TCF4: variants seen among roughly 807,000 people sequenced by gnomAD.
The protein encoded by TCF4 is SL3-3 enhancer factor 2.
In TCF4, 3 loss-of-function variants were observed where a neutral mutation model predicts 82.1. That is an observed-to-expected ratio of 0.04 (90% CI 0.02 to 0.09). The LOEUF is 0.09. Ranked by LOEUF, TCF4 falls within the 10% of genes least tolerant of loss-of-function variation. The probability of loss-of-function intolerance (pLI) is 1.00; values close to 1 mark genes in which losing one functional copy is unlikely to be tolerated. For missense variants in TCF4, 518 were observed against 852.7 expected (o/e 0.61, Z 4.89); for synonymous variants, 276 against 309.6 (o/e 0.89, Z 1.14).
At chr18:55,392,588 C>A (rs1224869565) in intron 6 of TCF4, among the ~76,000 whole-genome samples, 1 of 151,976 alleles carries the variant, frequency 6.6e-6, no homozygotes, top group African/African-American at 2.4e-5. Context: ...TGACTTTCAA[C>A]AGAGTCTTTC....
intron 5 of TCF4, among the ~76,000 whole-genome samples, chr18:55,406,865 TC>T (rs576032828): frequency 1.1e-4 from 16 of 152,126 alleles, no homozygotes; most frequent in Non-Finnish European, 2.4e-4. Context: ...GAGACAACCC[TC>T]CGGTACTAGA....
intron 5 of TCF4, among the ~76,000 whole-genome samples, chr18:55,441,009 A>G (rs958328767): frequency 7.2e-5 from 11 of 151,878 alleles, no homozygotes; most frequent in African/African-American, 2.4e-4. Flanking sequence ...CAACTTTTAC[A>G]TTTTGTTTTG....
At chr18:55,254,794 GT>G in intron 14 of TCF4, 94 bp from the exon 15 acceptor site, 1 of 1,090,070 alleles carries the variant, frequency 9.2e-7, no homozygotes, top group Non-Finnish European at 1.4e-6. Context: ...AACACACTGT[GT>G]TTCTAAATAC....
chr18:55,537,134 GGA>G (rs1568343293), intron 3 of TCF4, among the ~76,000 whole-genome samples: 2 of 113,200 alleles, frequency 1.8e-5, no homozygotes, highest in African/African-American at 3.4e-5. Context: ...ACTCCGTCTC[GGA>G]AAAAAAAAAA....
intron 5 of TCF4, among the ~76,000 whole-genome samples, chr18:55,444,638 A>G (rs754327020): frequency 9.9e-5 from 15 of 152,240 alleles, no homozygotes; most frequent in Non-Finnish European, 1.9e-4. Context: ...GTCACAATGC[A>G]ACAAATTGCC....
chr18:55,553,623 T>A (rs2097279018), intron 3 of TCF4, among the ~76,000 whole-genome samples: 1 of 152,216 alleles, frequency 6.6e-6, no homozygotes, highest in Admixed American at 6.5e-5. Flanking sequence ...GTGGTAAAGT[T>A]TACGAAGCTC....
In TCF4 at chr18:55,234,566, G is replaced by A. The variant is rs375511149; in HGVS notation, c.1468C>T (p.Pro490Ser). 1.2e-6 allele frequency: 2 copies of A among 1,614,050 alleles called. No individual in the cohort carries two copies. Among genetic ancestry groups the A allele is most frequent in the Admixed American group, 1.7e-5 (1 of 60,002 alleles). The change falls in exon 16 of 20, where the codon CCC (proline) becomes TCC (serine). Residue 490 changes from proline (P) to serine (S), a missense_variant. Transcript: ENST00000354452. ...AACCTACCTCTGTAAGGGTCCTGGG[G>A]TGGGTTCAGGTCAGGGGAAGTCGCA... ...QSATSPDLNP[P>S]QDPYRGMPPG... is the part of the protein sequence containing the mutation.
chr18:55,558,149 C>G (rs1343925205), intron 3 of TCF4, among the ~76,000 whole-genome samples: 2 of 152,068 alleles, frequency 1.3e-5, no homozygotes, highest in African/African-American at 2.4e-5. Context: ...GAGTTCGAGG[C>G]TGCAGTGAGC....
intron 3 of TCF4, among the ~76,000 whole-genome samples, chr18:55,552,040 G>A (rs887228785): frequency 6.6e-6 from 1 of 152,190 alleles, no homozygotes; most frequent in South Asian, 2.1e-4. Context: ...GGTAACTCTT[G>A]AACACACTTT....
intron 10 of TCF4, 112 bp from the exon 11 acceptor site, chr18:55,270,075 A>G (rs548667560): frequency 7.4e-7 from 1 of 1,348,276 alleles, no homozygotes; most frequent in African/African-American, 1.4e-5. Context: ...CAGCTTTTAG[A>G]ATTTCAAAAT....
rs1377469715 is a variant in TCF4, at chr18:55,275,162, A to G, written c.789+457T>C. 3.3e-5 allele frequency among the ~76,000 whole-genome samples: 5 copies of G among 151,688 alleles called. No individual in the cohort carries two copies. The East Asian group carries it at 5.8e-4, about 18-fold the overall frequency. ...CTCCTTCTTTTGGATACATCACAAC[A>G]GGCCAAAGCTGACATAGGCCAGTCA... is the stretch of plus-strand genomic sequence containing the variant. On this transcript the variant is annotated intron_variant, in intron 10 of 19. Coordinates refer to ENST00000354452, the MANE Select transcript of TCF4 (RefSeq NM_001083962.2).
chr18:55,226,380 T>C lies in TCF4; in HGVS notation c.*1655A>G, dbSNP rs2046601327. 1.3e-5 allele frequency: 2 copies of C among 152,504 alleles called. No individual in the cohort carries two copies. The highest frequency in any genetic ancestry group is 4.8e-5 in the African/African-American group (2 of 41,452). The allele number at this position is 152,504 out of a possible 1,614,324, so 9.4% of individuals were successfully genotyped here. A position where few individuals can be genotyped will look rare whatever the true frequency, so the allele number is the denominator to read the frequency against. ...TACTTAACTAGGAGCACTATTTGTT[T>C]ACTGCACTATACACCAAAGTCAATC... On this transcript the variant is annotated 3_prime_UTR_variant, in exon 20 of 20. Transcript: ENST00000354452.
chr18:55,284,973 T>C (rs1239660969), intron 8 of TCF4, among the ~76,000 whole-genome samples: 1 of 152,236 alleles, frequency 6.6e-6, no homozygotes, highest in Non-Finnish European at 1.5e-5. Flanking sequence ...ATTAGCTTAC[T>C]ACTCAAGAAG....
intron 2 of TCF4, among the ~76,000 whole-genome samples, chr18:55,614,557 G>T (rs2097710070): frequency 6.6e-6 from 1 of 151,954 alleles, no homozygotes; most frequent in Admixed American, 6.6e-5. Flanking sequence ...ATGATTATTT[G>T]GCATCAGTAT....
intron 3 of TCF4, among the ~76,000 whole-genome samples, chr18:55,515,763 A>C (rs1357595206): frequency 6.6e-6 from 1 of 152,200 alleles, no homozygotes; most frequent in Non-Finnish European, 1.5e-5. Context: ...ACTTGGCTTG[A>C]AAAGGACAGA....
intron 2 of TCF4, among the ~76,000 whole-genome samples, chr18:55,612,613 TTTA>T (rs2097708129): frequency 1.3e-5 from 2 of 152,146 alleles, no homozygotes; most frequent in African/African-American, 4.8e-5. Context: ...ATTTGGCTGT[TTTA>T]TTTTTTTAAA....
chr18:55,493,482 A>T (rs1236687404), intron 3 of TCF4, among the ~76,000 whole-genome samples: 1 of 152,118 alleles, frequency 6.6e-6, no homozygotes, highest in African/African-American at 2.4e-5. Context: ...TTATTCTTTC[A>T]GAAGGCTCAA....
intron 6 of TCF4, among the ~76,000 whole-genome samples, chr18:55,380,069 C>T (rs1254485255): frequency 6.6e-6 from 1 of 152,004 alleles, no homozygotes; most frequent in Non-Finnish European, 1.5e-5. Context: ...TCAGTAGAGA[C>T]AGGGTTTCAT....
At chr18:55,566,609 T>C (rs1405621630) in intron 3 of TCF4, among the ~76,000 whole-genome samples, 2 of 152,148 alleles carry the variant, frequency 1.3e-5, no homozygotes, top group African/African-American at 2.4e-5. Context: ...AAATTAATCA[T>C]TGCATTAGAT....
Sources: gnomAD v4.1 joint callset for allele counts (sites outside exome capture counted in the v4.1 genomes callset) on GRCh38, gnomAD v4.1.1 for gene constraint, MANE v1.5 for transcripts, NCBI Gene and HGNC (gene_info 2026-07-23, HGNC 2026-07-21) for gene names.